The following CCDC169 variants were observed in gnomAD, a reference collection of about 807,000 sequenced individuals.
The protein encoded by CCDC169 is coiled-coil domain containing 169.
In CCDC169, 30 loss-of-function variants were observed where a neutral mutation model predicts 36.0. The ratio of observed to expected loss-of-function variants is 0.83; its 90% CI spans 0.62 to 1.13. CCDC169 has a LOEUF of 1.13. Ranked by LOEUF, CCDC169 falls within the 50% of genes most tolerant of loss-of-function variation. The probability of loss-of-function intolerance (pLI) is 0.00; values close to 1 mark genes in which losing one functional copy is unlikely to be tolerated. For missense variants in CCDC169, 245 were observed against 245.9 expected, an observed-to-expected ratio of 1.00 and a Z score of 0.03; for synonymous variants, 85 against 81.5, an observed-to-expected ratio of 1.04 and a Z score of -0.23.
intron 4 of CCDC169, among the ~76,000 whole-genome samples, chr13:36,265,317 T>C (rs1875135157): frequency 6.6e-6 from 1 of 152,230 alleles, no homozygotes; most frequent in Non-Finnish European, 1.5e-5. Context: ...ACTTTCAAGA[T>C]ATATACACGT....
At chr13:36,245,760 A>G (rs921356157) in intron 7 of CCDC169, among the ~76,000 whole-genome samples, 4 of 152,186 alleles carry the variant, frequency 2.6e-5, no homozygotes, top group African/African-American at 9.7e-5. Context: ...TTGTCTTATT[A>G]TGCTTCACTT....
Position 36,230,805 on chromosome 13 carries a change from C to G in CCDC169, c.*388G>C. The G allele has an allele frequency of 1.0e-6, 1 of 988,138 alleles. No homozygotes were observed. Among genetic ancestry groups the G allele is most frequent in the Non-Finnish European group, 1.2e-6 (1 of 831,978 alleles). The allele number at this position is 988,138 out of a possible 1,614,324, so 61.2% of individuals were successfully genotyped here. A position where few individuals can be genotyped will look rare whatever the true frequency, so the allele number is the denominator to read the frequency against. ...TTGTTTAAACCTGCAATTTAAAAAACTGAGCAAGATCCAGCCCAAAATGGC... is the reference window on the plus strand; with the variant it reads ...TTGTTTAAACCTGCAATTTAAAAAAGTGAGCAAGATCCAGCCCAAAATGGC... On this transcript the variant is annotated 3_prime_UTR_variant, in exon 8 of 8. Transcript: ENST00000239859.
Position 36,283,667 on chromosome 13 carries a change from C to T in CCDC169, c.199G>A (p.Glu67Lys), listed in dbSNP as rs1877820723. ...EWKTRYETQL[E>K]LNDELEKQIV... ...TGCTTTTCTAGTTCATCATTTAATT[C>T]AAGTTGTGTCTCATAACGGGTTTTC... Residue 67 changes from glutamate to lysine, a missense_variant, in exon 3 of 8, where the codon GAA (glutamate) becomes AAA (lysine). Transcript: ENST00000239859. The T allele has an allele frequency of 6.4e-7, 1 of 1,551,138 alleles. No individual in the cohort carries two copies. The highest frequency in any genetic ancestry group is 8.7e-7 in the Non-Finnish European group (1 of 1,146,802).
chr13:36,285,622 C>CTAG (rs1555254475), intron 2 of CCDC169, among the ~76,000 whole-genome samples: 2 of 19,254 alleles, frequency 1.0e-4, no homozygotes, highest in Non-Finnish European at 1.5e-4. Context: ...TAGATAGATA[C>CTAG]ATAGATACAT....
intron 4 of CCDC169, chr13:36,267,256 T>C (rs1390409182): frequency 6.6e-6 from 1 of 152,212 alleles, no homozygotes; most frequent in Non-Finnish European, 1.5e-5. Context: ...CACAAATTCA[T>C]GAAGAATTTC....
At chr13:36,258,156 A>G (rs561198469) in intron 4 of CCDC169, among the ~76,000 whole-genome samples, 1 of 152,234 alleles carries the variant, frequency 6.6e-6, no homozygotes, top group South Asian at 2.1e-4. Context: ...ACTGTTATTG[A>G]CACAACAGTT....
At chr13:36,227,415 G>A, downstream of CCDC169, 9 of 1,470,094 alleles carry the variant, frequency 6.1e-6, no homozygotes, top group South Asian at 4.3e-5. Context: ...ACATGAATAA[G>A]GACAGCGAAG....
chr13:36,282,135 C>T (rs1877615450), intron 4 of CCDC169, among the ~76,000 whole-genome samples: 1 of 150,940 alleles, frequency 6.6e-6, no homozygotes, highest in African/African-American at 2.4e-5. Context: ...TATGTCTGTA[C>T]AGATTACTCC....
chr13:36,294,359 C>CGCA (rs2138659262), intron 2 of CCDC169, among the ~76,000 whole-genome samples: 1 of 152,262 alleles, frequency 6.6e-6, no homozygotes, highest in South Asian at 2.1e-4. Context: ...AACGCAGCTA[C>CGCA]TTGATAAGTA....
chr13:36,223,889 C>A (rs1869733979), downstream of CCDC169: 1 of 152,034 alleles, frequency 6.6e-6, no homozygotes, highest in Non-Finnish European at 1.5e-5. Flanking sequence ...AAGAATAATT[C>A]TTAGTTCCAA....
At chr13:36,248,773 T>A in intron 6 of CCDC169, 91 bp from the exon 7 acceptor site, 1 of 1,112,758 alleles carries the variant, frequency 9.0e-7, no homozygotes, top group Non-Finnish European at 1.3e-6. Context: ...AACTCTCCCA[T>A]AACCAGGTTC....
At chr13:36,291,143 C>T (rs1878838989) in intron 2 of CCDC169, among the ~76,000 whole-genome samples, 1 of 152,114 alleles carries the variant, frequency 6.6e-6, no homozygotes, top group Non-Finnish European at 1.5e-5. Context: ...GGAGTTTAGG[C>T]ACAAATGACC....
intron 7 of CCDC169, among the ~76,000 whole-genome samples, chr13:36,248,088 A>G (rs1479920415): frequency 2.6e-5 from 4 of 152,222 alleles, no homozygotes; most frequent in Non-Finnish European, 5.9e-5. Flanking sequence ...AATGATCAAT[A>G]GCATTTTTCA....
chr13:36,237,393 A>G (rs570535345), intron 7 of CCDC169, among the ~76,000 whole-genome samples: 1 of 152,262 alleles, frequency 6.6e-6, no homozygotes, highest in East Asian at 1.9e-4. Context: ...GCAGTTCCTC[A>G]AAAAGATAAA....
chr13:36,270,997 G>A (rs75747453), intron 4 of CCDC169, among the ~76,000 whole-genome samples: 3,403 of 152,178 alleles, frequency 0.022, 134 homozygotes, highest in African/African-American at 0.077. Flanking sequence ...CCCACAGAAC[G>A]GGAGGAATTA....
At chr13:36,278,404 T>C (rs1372228063) in intron 4 of CCDC169, among the ~76,000 whole-genome samples, 7 of 152,116 alleles carry the variant, frequency 4.6e-5, no homozygotes, top group Admixed American at 1.3e-4. Context: ...TTATACTCAG[T>C]ACATTTTCTC....
At chr13:36,279,017 T>C (rs1332563363) in intron 4 of CCDC169, among the ~76,000 whole-genome samples, 3 of 152,162 alleles carry the variant, frequency 2.0e-5, no homozygotes, top group African/African-American at 7.2e-5. Context: ...TCTTACCCAA[T>C]ATCTAAGTAT....
chr13:36,265,293 C>T (rs1002562873), intron 4 of CCDC169, among the ~76,000 whole-genome samples: 2 of 152,100 alleles, frequency 1.3e-5, no homozygotes, highest in Non-Finnish European at 2.9e-5. Flanking sequence ...CTTGTTGTGA[C>T]GACAAGATTG....
chr13:36,285,606 G>GATAGATAGATAC (rs1555254457), intron 2 of CCDC169, among the ~76,000 whole-genome samples: 4 of 139,998 alleles, frequency 2.9e-5, no homozygotes, highest in African/African-American at 1.0e-4. Flanking sequence ...TAGATAGATA[G>GATAGATAGATAC]ATAGATAGAT....
Sources: gnomAD v4.1 joint callset for allele counts (sites outside exome capture counted in the v4.1 genomes callset) on GRCh38, gnomAD v4.1.1 for gene constraint, MANE v1.5 for transcripts, NCBI Gene and HGNC (gene_info 2026-07-23, HGNC 2026-07-21) for gene names.